The following SYNGR1 variants were observed in gnomAD, a reference collection of about 807,000 sequenced individuals.
SYNGR1 encodes synaptogyrin-1.
Under a neutral mutation model 26.1 loss-of-function variants are expected in SYNGR1, and 14 were observed. The ratio of observed to expected loss-of-function variants is 0.54; its 90% CI spans 0.35 to 0.84. SYNGR1 has a LOEUF of 0.84. Among genes scored for constraint, SYNGR1 ranks in the 40% least tolerant of loss-of-function variants. The probability of loss-of-function intolerance (pLI) is 0.01; values close to 1 mark genes in which losing one functional copy is unlikely to be tolerated. For synonymous variants in SYNGR1, 141 were observed against 150.1 expected (o/e 0.94, Z 0.44); for missense variants, 319 against 332.9 (o/e 0.96, Z 0.33).
rs767314185 is a variant in SYNGR1, at chr22:39,372,438, C to CTTTTTTTT, written c.100-1855_100-1848dup. On this transcript the variant is annotated intron_variant, in intron 1 of 3. Coordinates refer to ENST00000328933, the MANE Select transcript of SYNGR1 (RefSeq NM_004711.5). ...GAGCCACCATGCACCACGCCCAGCT[C>CTTTTTTTT]TTTTTTTTTTTTTTTTTTTTTTTTT... Among the ~76,000 whole-genome samples the CTTTTTTTT allele has an allele frequency of 5.5e-4, 30 of 54,652 alleles. 5 individuals are homozygous for CTTTTTTTT. Among genetic ancestry groups the CTTTTTTTT allele is most frequent in the African/African-American group, 2.7e-3 (29 of 10,646 alleles). The allele number at this position is 54,652 out of a possible 152,430, so 35.9% of individuals were successfully genotyped here. A position where few individuals can be genotyped will look rare whatever the true frequency, so the allele number is the denominator to read the frequency against.
At chr22:39,358,804 A>C (rs1366238089) in intron 1 of SYNGR1, among the ~76,000 whole-genome samples, 1 of 152,066 alleles carries the variant, frequency 6.6e-6, no homozygotes, top group Non-Finnish European at 1.5e-5. Context: ...AGCAGAGCAG[A>C]CGGCATCAGC....
chr22:39,358,390 G>A (rs554667917), intron 1 of SYNGR1, among the ~76,000 whole-genome samples: 52 of 152,312 alleles, frequency 3.4e-4, no homozygotes, highest in African/African-American at 1.2e-3. Flanking sequence ...AGCTTGCATT[G>A]GCAACCTGCT....
chr22:39,357,661 C>T (rs868452710), intron 1 of SYNGR1, among the ~76,000 whole-genome samples: 1 of 8,172 alleles, frequency 1.2e-4, no homozygotes, highest in African/African-American at 5.6e-4. Flanking sequence ...GCCCCGGACC[C>T]GGGCGTGGGC....
chr22:39,375,717 C>T, intron 2 of SYNGR1: 1 of 592,686 alleles, frequency 1.7e-6, no homozygotes, highest in South Asian at 2.1e-5. Flanking sequence ...GCAGAGGCTG[C>T]AGAAATGCGG....
Position 39,351,820 on chromosome 22 carries a change from A to G in SYNGR1, c.99+1711A>G, listed in dbSNP as rs1042572504. 1.6e-4 allele frequency among the ~76,000 whole-genome samples: 24 copies of G among 152,272 alleles called. 1 individual carries two copies. The highest frequency in any genetic ancestry group is 1.6e-3 in the Admixed American group (24 of 15,286). ...GGGAGTGAGCCAGGTGCCCCCAGGC[A>G]GAGGCCGCAAGAGCCAGGAGAGGGG... On this transcript the variant is annotated intron_variant, in intron 1 of 3. Transcript: ENST00000328933.
chr22:39,364,781 C>T (rs1385352284), intron 1 of SYNGR1, among the ~76,000 whole-genome samples: 3 of 152,164 alleles, frequency 2.0e-5, no homozygotes, highest in South Asian at 2.1e-4. Context: ...CCACAAAGGG[C>T]TTGGTGCTTC....
chr22:39,358,882 C>T (rs968864713), intron 1 of SYNGR1, among the ~76,000 whole-genome samples: 2 of 152,268 alleles, frequency 1.3e-5, no homozygotes, highest in Admixed American at 6.5e-5. Context: ...TAGAGTTTTG[C>T]TCATCTCCCC....
intron 1 of SYNGR1, among the ~76,000 whole-genome samples, chr22:39,356,198 A>ATGGGATTACAGG (rs137709): frequency 0.81 from 122,427 of 151,746 alleles, 49,850 homozygotes; most frequent in East Asian, 1. Context: ...TCCTGAGTAG[A>ATGGGATTACAGG]TGTCCGCCAC....
chr22:39,364,141 C>G, intron 1 of SYNGR1: 2 of 1,610,796 alleles, frequency 1.2e-6, no homozygotes, highest in Non-Finnish European at 1.7e-6. Context: ...GGGCCTGTGC[C>G]CTTTTGCACT....
rs1555937728 is a variant in SYNGR1, at chr22:39,350,024, C to A, written c.14C>A (p.Ala5Glu). Residue 5 changes from alanine (A) to glutamate (E), a missense_variant, in exon 1 of 4, where the codon GCG (alanine) becomes GAG (glutamate). Coordinates refer to ENST00000328933, the MANE Select transcript of SYNGR1 (RefSeq NM_004711.5). The surrounding 1 kb of genome is among the most constrained non-coding windows in gnomAD (Gnocchi z 4.3). ...GGTGCAGCCACGATGGAAGGGGGTG[C>A]GTACGGAGCGGGCAAAGCCGGGGGC... MEGGAYGAGKAGGAF... is the reference protein window; with the variant it reads MEGGEYGAGKAGGAF... 7 of 1,370,670 alleles carry A rather than the reference C, an allele frequency of 5.1e-6. No homozygotes were observed. The highest frequency in any genetic ancestry group is 9.6e-7 in the Non-Finnish European group (1 of 1,042,746). 84.9% of individuals were successfully genotyped at this position (1,370,670 alleles called of 1,614,324 possible).
intron 1 of SYNGR1, among the ~76,000 whole-genome samples, chr22:39,372,403 T>A (rs915897848): frequency 6.7e-6 from 1 of 150,362 alleles, no homozygotes; most frequent in Non-Finnish European, 1.5e-5. Flanking sequence ...AGTGCTGGGA[T>A]TATAGGCATG....
At chr22:39,354,467 A>AG (rs1924056398) in intron 1 of SYNGR1, among the ~76,000 whole-genome samples, 1 of 152,016 alleles carries the variant, frequency 6.6e-6, no homozygotes, top group East Asian at 1.9e-4. Flanking sequence ...GGGTGGCCTG[A>AG]GGGGGGCAGC....
chr22:39,361,836 C>A (rs532636148), intron 1 of SYNGR1, among the ~76,000 whole-genome samples: 2 of 152,130 alleles, frequency 1.3e-5, no homozygotes, highest in African/African-American at 4.8e-5. Context: ...TGATGTTGCT[C>A]CCCTCTCCCA....
At chr22:39,373,486 T>C (rs1925126674) in intron 1 of SYNGR1, among the ~76,000 whole-genome samples, 1 of 150,654 alleles carries the variant, frequency 6.6e-6, no homozygotes, top group African/African-American at 2.4e-5. Context: ...TTGTTTTGCT[T>C]TGTTTTGTTT....
chr22:39,375,600 T>G, intron 2 of SYNGR1: 10 of 392,610 alleles, frequency 2.5e-5, no homozygotes, highest in East Asian at 4.4e-5. Context: ...CCATACCTCA[T>G]TTGTCTGGCA....
At chr22:39,375,818 T>G in intron 2 of SYNGR1, 1 of 644,180 alleles carries the variant, frequency 1.6e-6, no homozygotes, top group Non-Finnish European at 2.8e-6. Flanking sequence ...GACCCTGCCC[T>G]GTCTGTGGCC....
At chr22:39,364,125 T>G in intron 1 of SYNGR1, 1 of 1,608,678 alleles carries the variant, frequency 6.2e-7, no homozygotes, top group Non-Finnish European at 8.5e-7. Context: ...TCCCCTCAAG[T>G]AAAGTGGGCC....
At chr22:39,372,619 C>T (rs1031850203) in intron 1 of SYNGR1, among the ~76,000 whole-genome samples, 1 of 151,678 alleles carries the variant, frequency 6.6e-6, no homozygotes, top group Non-Finnish European at 1.5e-5. Context: ...CAGGCATGTG[C>T]TACCACACCT....
intron 1 of SYNGR1, among the ~76,000 whole-genome samples, chr22:39,358,908 G>A (rs530031373): frequency 7.2e-5 from 11 of 152,370 alleles, no homozygotes; most frequent in African/African-American, 2.2e-4. Context: ...TGGTGGAGCA[G>A]GGGCCAGGTG....
Sources: gnomAD v4.1 joint callset for allele counts (sites outside exome capture counted in the v4.1 genomes callset) on GRCh38, gnomAD v4.1.1 for gene constraint, Gnocchi (gnomAD v3.1) non-coding constraint, MANE v1.5 for transcripts, NCBI Gene and HGNC (gene_info 2026-07-23, HGNC 2026-07-21) for gene names.